Variants in SLC2A12 observed in about 807,000 individuals in gnomAD.
The protein encoded by SLC2A12 is solute carrier family 2, facilitated glucose transporter member 12.
SLC2A12 carries 23 observed loss-of-function variants against 41.8 expected under a neutral mutation model. That is an observed-to-expected ratio of 0.55 (90% CI 0.40 to 0.78). The LOEUF (loss-of-function observed/expected upper bound fraction) is 0.78. Ranked by LOEUF, SLC2A12 falls within the 30% of genes least tolerant of loss-of-function variation. SLC2A12 has a pLI of 0.00. For missense variants in SLC2A12, 654 were observed against 745.6 expected, an observed-to-expected ratio of 0.88 and a Z score of 1.43; for synonymous variants, 295 against 285.9, an observed-to-expected ratio of 1.03 and a Z score of -0.32.
At chr6:134,016,693 G>A (rs780990768) in intron 2 of SLC2A12, among the ~76,000 whole-genome samples, 14 of 152,166 alleles carry the variant, frequency 9.2e-5, no homozygotes, top group Non-Finnish European at 1.6e-4. Flanking sequence ...AGGCTAACTT[G>A]TTAGCTTGCA....
intron 4 of SLC2A12, among the ~76,000 whole-genome samples, chr6:133,997,684 C>G (rs77339733): frequency 0.01 from 1,555 of 152,232 alleles, 32 homozygotes; most frequent in African/African-American, 0.036. Flanking sequence ...GGCTAGAAAA[C>G]TACCTATTGG....
chr6:134,046,641 A>T (rs1056851081), intron 1 of SLC2A12, among the ~76,000 whole-genome samples: 1 of 152,040 alleles, frequency 6.6e-6, no homozygotes, highest in African/African-American at 2.4e-5. Flanking sequence ...TCTACTAAAA[A>T]AAAATATATA....
intron 3 of SLC2A12, among the ~76,000 whole-genome samples, chr6:134,002,489 G>T (rs1043878601): frequency 6.6e-6 from 1 of 151,980 alleles, no homozygotes; most frequent in African/African-American, 2.4e-5. Context: ...TGATGTAGAA[G>T]GTAAAATCTC....
At chr6:134,032,449 AATATATATATAT>A (rs1224295083) in intron 1 of SLC2A12, among the ~76,000 whole-genome samples, 4 of 31,976 alleles carry the variant, frequency 1.3e-4, no homozygotes, top group Admixed American at 9.6e-4. Context: ...TATATATATA[AATATATATATAT>A]ATATTTTTAT....
At chr6:134,023,076 C>T (rs1777066966) in intron 2 of SLC2A12, among the ~76,000 whole-genome samples, 2 of 152,150 alleles carry the variant, frequency 1.3e-5, no homozygotes, top group African/African-American at 4.8e-5. Flanking sequence ...GCCCCAACCC[C>T]CAGATATGTC....
At chr6:134,031,251 C>T (rs569123879) in intron 1 of SLC2A12, among the ~76,000 whole-genome samples, 1 of 152,142 alleles carries the variant, frequency 6.6e-6, no homozygotes, top group Admixed American at 6.6e-5. Flanking sequence ...AATAGCTGGG[C>T]ATGATGGTTC....
In SLC2A12 at chr6:134,052,570, T is replaced by G; in HGVS notation, c.-90A>C. The G allele has an allele frequency of 1.0e-6, 1 of 970,542 alleles. No individual in the cohort carries two copies. Among genetic ancestry groups the G allele is most frequent in the South Asian group, 1.4e-5 (1 of 70,700 alleles). 60.1% of individuals were successfully genotyped at this position (970,542 alleles called of 1,614,324 possible). ...AGTGGTCACTTTCCCCATAATAGCA[T>G]GCTAAAGAAGAGTGTGGGGAAAAAC... On this transcript the variant is annotated 5_prime_UTR_variant, in exon 1 of 5. It removes an upstream start codon present in the reference 5' UTR. Coordinates refer to ENST00000275230, the MANE Select transcript of SLC2A12 (RefSeq NM_145176.3).
intron 2 of SLC2A12, among the ~76,000 whole-genome samples, chr6:134,022,984 C>T (rs1464705836): frequency 6.6e-6 from 1 of 152,206 alleles, no homozygotes; most frequent in East Asian, 1.9e-4. Context: ...ACTCCTGTAA[C>T]AAACTCATGT....
At chr6:134,036,934 G>C (rs1413643956) in intron 1 of SLC2A12, among the ~76,000 whole-genome samples, 1 of 152,062 alleles carries the variant, frequency 6.6e-6, no homozygotes, top group African/African-American at 2.4e-5. Context: ...TTCTCTAGTT[G>C]TTCAGACAGA....
intron 2 of SLC2A12, among the ~76,000 whole-genome samples, chr6:134,011,811 G>A (rs1776888103): frequency 6.6e-6 from 1 of 152,072 alleles, no homozygotes; most frequent in African/African-American, 2.4e-5. Flanking sequence ...GGAGCCCGAG[G>A]TGGGCAGATC....
At chr6:134,001,176 T>TG in intron 4 of SLC2A12, among the ~76,000 whole-genome samples, 1 of 99,698 alleles carries the variant, frequency 1.0e-5, no homozygotes. Context: ...TGGGGGGTGG[T>TG]GGGGGATAAA....
chr6:133,994,493 C>T (rs542679786), intron 4 of SLC2A12, among the ~76,000 whole-genome samples: 6 of 152,242 alleles, frequency 3.9e-5, no homozygotes, highest in South Asian at 4.2e-4. Context: ...TTTAGGAGGC[C>T]GAGGTGGGTG....
At chr6:134,009,724 A>G (rs1776856409) in intron 2 of SLC2A12, among the ~76,000 whole-genome samples, 1 of 151,648 alleles carries the variant, frequency 6.6e-6, no homozygotes, top group African/African-American at 2.4e-5. Context: ...ACATGCCCGT[A>G]GTCCCAACTA....
At chr6:134,019,054 CG>C (rs777720691) in intron 2 of SLC2A12, among the ~76,000 whole-genome samples, 2 of 152,130 alleles carry the variant, frequency 1.3e-5, no homozygotes, top group Non-Finnish European at 2.9e-5. Context: ...GGATGACAGT[CG>C]CAGCTTTATC....
intron 4 of SLC2A12, among the ~76,000 whole-genome samples, chr6:133,998,599 G>T (rs1272026865): frequency 6.6e-6 from 1 of 152,220 alleles, no homozygotes; most frequent in African/African-American, 2.4e-5. Context: ...TGAATGCAGT[G>T]GTGCAATCAC....
intron 1 of SLC2A12, among the ~76,000 whole-genome samples, chr6:134,038,356 T>C (rs986024879): frequency 9.2e-6 from 1 of 108,308 alleles, no homozygotes; most frequent in African/African-American, 6.4e-5. Context: ...TTTCTGCCTT[T>C]TTTTTTTTTT....
Position 134,028,876 on chromosome 6 carries a change from T to A in SLC2A12, c.949A>T (p.Ser317Cys). ...SVGFQSNEAASLASTGVGVVK... is the reference protein window; with the variant it reads ...SVGFQSNEAACLASTGVGVVK... ...ACTCCAACCCCAGTGGAGGCGAGGC[T>A]AGCTGCCTCATTGCTTTGAAATCCA... The change falls in exon 2 of 5, where the codon AGC (serine) becomes TGC (cysteine). Residue 317 changes from serine (S) to cysteine (C), a missense_variant. Coordinates refer to ENST00000275230, the MANE Select transcript of SLC2A12 (RefSeq NM_145176.3). 1 of 1,614,232 alleles carries A rather than the reference T, an allele frequency of 6.2e-7. No homozygotes were observed. The highest frequency in any genetic ancestry group is 8.5e-7 in the Non-Finnish European group (1 of 1,180,046).
At chr6:134,022,568 GA>G (rs1240873455) in intron 2 of SLC2A12, among the ~76,000 whole-genome samples, 2 of 83,720 alleles carry the variant, frequency 2.4e-5, no homozygotes, top group African/African-American at 6.7e-5. Flanking sequence ...GAAAAGAAAA[GA>G]AAAGAAAAGA....
In SLC2A12 at chr6:134,002,073, G is replaced by A; in HGVS notation, c.1624C>T (p.Leu542=). The A allele has an allele frequency of 2.5e-6, 4 of 1,604,216 alleles. No homozygotes were observed. Among genetic ancestry groups the A allele is most frequent in the Non-Finnish European group, 3.4e-6 (4 of 1,177,296 alleles). ...FIYTIMSLAS[L]LFVVMFIPET... is the part of the protein sequence containing the mutation. Reference sequence around the variant, plus strand: ...GGTATAAACATAACAACAAAAAGCAGGGATGCTAGACTCATGATTGTATAT... The same window carrying A: ...GGTATAAACATAACAACAAAAAGCAAGGATGCTAGACTCATGATTGTATAT... Residue 542 remains leucine (L), a synonymous_variant, in exon 4 of 5, where the codon CTG becomes TTG. Coordinates refer to ENST00000275230, the MANE Select transcript of SLC2A12 (RefSeq NM_145176.3).
Sources: gnomAD v4.1 joint callset for allele counts (sites outside exome capture counted in the v4.1 genomes callset) on GRCh38, gnomAD v4.1.1 for gene constraint, MANE v1.5 for transcripts, NCBI Gene and HGNC (gene_info 2026-07-23, HGNC 2026-07-21) for gene names.